The following ZSWIM6 variants were observed in gnomAD, a reference collection of about 807,000 sequenced individuals.
ZSWIM6 encodes the protein zinc finger SWIM domain-containing protein 6.
In ZSWIM6, 9 loss-of-function variants were observed where a neutral mutation model predicts 113.2. The ratio of observed to expected loss-of-function variants is 0.08; its 90% CI spans 0.05 to 0.14. ZSWIM6 has a LOEUF of 0.14. Ranked by LOEUF, ZSWIM6 falls within the 10% of genes least tolerant of loss-of-function variation. ZSWIM6 has a pLI of 1.00. For missense variants in ZSWIM6, 1,162 were observed against 1,552.2 expected, an observed-to-expected ratio of 0.75 and a Z score of 4.22; for synonymous variants, 611 against 606.5, an observed-to-expected ratio of 1.01 and a Z score of -0.11.
chr5:61,341,705 T>C (rs1744550346), intron 1 of ZSWIM6, among the ~76,000 whole-genome samples: 1 of 152,166 alleles, frequency 6.6e-6, no homozygotes, highest in Non-Finnish European at 1.5e-5. Flanking sequence ...TCCAGTATTG[T>C]TTGTATTTGA....
chr5:61,519,658 G>A (rs1749058867), intron 4 of ZSWIM6, among the ~76,000 whole-genome samples: 2 of 152,110 alleles, frequency 1.3e-5, no homozygotes, highest in African/African-American at 4.8e-5. Flanking sequence ...ATATAGAAAT[G>A]CAGATTGTAA....
chr5:61,417,185 C>G (rs563830193), intron 1 of ZSWIM6, among the ~76,000 whole-genome samples: 1 of 152,240 alleles, frequency 6.6e-6, no homozygotes, highest in South Asian at 2.1e-4. Context: ...TAGCATCTGC[C>G]TGTAGACTAA....
At chr5:61,392,967 A>G (rs940965671) in intron 1 of ZSWIM6, among the ~76,000 whole-genome samples, 3 of 152,056 alleles carry the variant, frequency 2.0e-5, no homozygotes, top group Non-Finnish European at 2.9e-5. Flanking sequence ...GTTAATGAAT[A>G]TGATCTAAAA....
At chr5:61,473,366 A>G (rs1381760015) in intron 2 of ZSWIM6, among the ~76,000 whole-genome samples, 2 of 152,216 alleles carry the variant, frequency 1.3e-5, no homozygotes, top group African/African-American at 4.8e-5. Context: ...TGACTTGTGC[A>G]TATTGTGAAT....
chr5:61,505,702 TCCTC>T (rs1289544773), intron 4 of ZSWIM6, among the ~76,000 whole-genome samples: 1 of 73,812 alleles, frequency 1.4e-5, no homozygotes, highest in Non-Finnish European at 2.9e-5. Flanking sequence ...CTCCCTTCCT[TCCTC>T]CCTTCCTTCC....
rs76561424 is a variant in ZSWIM6, at chr5:61,454,991, C to A, written c.677-17690C>A. The stretch of plus-strand genomic sequence containing the variant: ...TAGAATCAGGCATTCCTTTAAGGAG[C>A]TTTGGTTCCCTTTCTTGGGGAGTAG... On this transcript the variant is annotated intron_variant, in intron 1 of 13. Transcript: ENST00000252744. Among the ~76,000 whole-genome samples, 202 of 151,644 alleles carry A rather than the reference C, an allele frequency of 1.3e-3. 6 individuals carry two copies. In the East Asian group the frequency reaches 0.035, roughly 26 times the overall value.
Position 61,482,394 on chromosome 5 carries a change from A to G in ZSWIM6, c.1034-8392A>G, listed in dbSNP as rs1462152921. On this transcript the variant is annotated intron_variant, in intron 2 of 13. Transcript: ENST00000252744. The stretch of plus-strand genomic sequence containing the variant: ...AGGGATAGCATTAGGAGAAACACCT[A>G]ATGTAGATGACGGGTTGATGGGTGC... 5.9e-5 allele frequency among the ~76,000 whole-genome samples: 9 copies of G among 152,158 alleles called. No individual in the cohort carries two copies. The East Asian group carries it at 1.5e-3, about 26-fold the overall frequency.
chr5:61,388,529 C>T (rs1579969387), intron 1 of ZSWIM6, among the ~76,000 whole-genome samples: 2 of 152,142 alleles, frequency 1.3e-5, no homozygotes, highest in African/African-American at 4.8e-5. Flanking sequence ...CTTAAAAAAC[C>T]TTGAAAAGAC....
At chr5:61,391,743 G>C in intron 1 of ZSWIM6, 1 of 1,133,680 alleles carries the variant, frequency 8.8e-7, no homozygotes, top group Non-Finnish European at 1.3e-6. Flanking sequence ...GGAAGGCTGT[G>C]AGGTGGACCA....
At chr5:61,458,278 G>A (rs556046722) in intron 1 of ZSWIM6, among the ~76,000 whole-genome samples, 4 of 152,224 alleles carry the variant, frequency 2.6e-5, no homozygotes, top group Admixed American at 6.5e-5. Context: ...CAAAAGTCTA[G>A]GTTTTCACCA....
chr5:61,527,088 C>G (rs1749305290), intron 7 of ZSWIM6, among the ~76,000 whole-genome samples: 5 of 152,176 alleles, frequency 3.3e-5, no homozygotes, highest in Non-Finnish European at 7.3e-5. Context: ...TTTAACTTCT[C>G]TTTATCTCAG....
At chr5:61,379,593 G>A (rs1014689355) in intron 1 of ZSWIM6, among the ~76,000 whole-genome samples, 1 of 152,104 alleles carries the variant, frequency 6.6e-6, no homozygotes, top group African/African-American at 2.4e-5. Context: ...TTTTTCTAGT[G>A]TGTACTGAAA....
At chr5:61,402,697 T>C (rs1441358591) in intron 1 of ZSWIM6, among the ~76,000 whole-genome samples, 1 of 152,252 alleles carries the variant, frequency 6.6e-6, no homozygotes, top group African/African-American at 2.4e-5. Context: ...GTTTTGCACC[T>C]TAAAGGTTAA....
intron 1 of ZSWIM6, among the ~76,000 whole-genome samples, chr5:61,393,297 C>T (rs540233218): frequency 2.4e-4 from 37 of 152,088 alleles, no homozygotes; most frequent in Admixed American, 2.4e-3. Context: ...CCACCCGCCT[C>T]AGCCTCCCAA....
chr5:61,339,866 G>A (rs1579939522), intron 1 of ZSWIM6, among the ~76,000 whole-genome samples: 1 of 152,178 alleles, frequency 6.6e-6, no homozygotes, highest in African/African-American at 2.4e-5. Flanking sequence ...AAATATTTGG[G>A]GATTACTTTA....
chr5:61,405,813 A>G (rs1241876757), intron 1 of ZSWIM6, among the ~76,000 whole-genome samples: 9 of 152,180 alleles, frequency 5.9e-5, no homozygotes, highest in Non-Finnish European at 2.9e-5. Context: ...TAAAAGAGTA[A>G]CTCCATAAAA....
intron 1 of ZSWIM6, among the ~76,000 whole-genome samples, chr5:61,428,724 G>A (rs888635982): frequency 1.3e-5 from 2 of 151,882 alleles, no homozygotes; most frequent in Admixed American, 6.6e-5. Context: ...ATATTTGAAG[G>A]GATACAGAAC....
chr5:61,398,443 C>T (rs1485407058), intron 1 of ZSWIM6, among the ~76,000 whole-genome samples: 5 of 152,076 alleles, frequency 3.3e-5, no homozygotes, highest in South Asian at 4.1e-4. Flanking sequence ...TCCCTGGTGC[C>T]GAAAAGGTTG....
chr5:61,533,947 C>T (rs904247046), intron 9 of ZSWIM6, among the ~76,000 whole-genome samples: 1 of 152,204 alleles, frequency 6.6e-6, no homozygotes, highest in Non-Finnish European at 1.5e-5. Context: ...TGTGTCTTCA[C>T]ATGACAGAGA....
Sources: allele counts gnomAD v4.1 joint callset (sites outside exome capture counted in the v4.1 genomes callset), GRCh38; gene constraint gnomAD v4.1.1; transcripts MANE v1.5; gene names NCBI Gene and HGNC (gene_info 2026-07-23, HGNC 2026-07-21).